PTPN4: variants seen among roughly 807,000 people sequenced by gnomAD.
PTPN4 encodes the protein protein tyrosine phosphatase non-receptor type 4, also known as tyrosine-protein phosphatase non-receptor type 4.
In PTPN4, 49 loss-of-function variants were observed where a neutral mutation model predicts 135.5. The observed-to-expected ratio is 0.36, with a 90% CI of 0.29 to 0.46. The LOEUF (loss-of-function observed/expected upper bound fraction) is 0.46. PTPN4 is among the 20% of genes least tolerant of loss of function. The pLI is 1.00. For missense variants in PTPN4, 860 were observed against 1,101.0 expected (o/e 0.78, Z 3.10); for synonymous variants, 333 against 369.9 (o/e 0.90, Z 1.14).
rs1049112007 is a variant in PTPN4, at chr2:119,831,848, T to C, written c.138+21857T>C. Among the ~76,000 whole-genome samples, 12 of 152,340 alleles carry C rather than the reference T, an allele frequency of 7.9e-5. No homozygotes were observed. The East Asian group carries it at 2.3e-3, about 29-fold the overall frequency. ...ATTTGAATTCCTACAGAGAGGACTT[T>C]TATTTACTTCTGCAAGTAACCTGTT... is the stretch of plus-strand genomic sequence containing the variant. On this transcript the variant is annotated intron_variant, in intron 2 of 26. Transcript: ENST00000263708.
chr2:119,804,180 A>G (rs1158329328), intron 1 of PTPN4, among the ~76,000 whole-genome samples: 2 of 152,058 alleles, frequency 1.3e-5, no homozygotes, highest in African/African-American at 4.8e-5. Flanking sequence ...TGGCATGATC[A>G]TAGCTCACTG....
chr2:119,824,091 A>G (rs758870639), intron 2 of PTPN4, among the ~76,000 whole-genome samples: 1 of 152,198 alleles, frequency 6.6e-6, no homozygotes, highest in Non-Finnish European at 1.5e-5. Flanking sequence ...TTAGTTTTCA[A>G]ATAGTTGAGG....
intron 2 of PTPN4, among the ~76,000 whole-genome samples, chr2:119,815,984 C>T (rs866716624): frequency 6.6e-6 from 1 of 152,084 alleles, no homozygotes; most frequent in African/African-American, 2.4e-5. Context: ...AAAAGGATTC[C>T]CTTGTGCTCC....
intron 15 of PTPN4, among the ~76,000 whole-genome samples, chr2:119,935,739 C>T (rs968155331): frequency 6.6e-6 from 1 of 151,952 alleles, no homozygotes; most frequent in Non-Finnish European, 1.5e-5. Flanking sequence ...TCTAAACTTT[C>T]CAGTTGATTT....
intron 2 of PTPN4, among the ~76,000 whole-genome samples, chr2:119,832,725 C>T (rs1246752414): frequency 6.6e-6 from 1 of 151,960 alleles, no homozygotes; most frequent in Non-Finnish European, 1.5e-5. Flanking sequence ...ACTGAATTTT[C>T]CATGAAATTC....
chr2:119,898,515 G>A (rs539557853), intron 9 of PTPN4, among the ~76,000 whole-genome samples: 26 of 152,226 alleles, frequency 1.7e-4, no homozygotes, highest in Middle Eastern at 6.8e-3. Context: ...TGCTGCAAAA[G>A]AGTACAAGGT....
intron 9 of PTPN4, among the ~76,000 whole-genome samples, chr2:119,895,429 C>T (rs1390394858): frequency 6.6e-6 from 1 of 152,124 alleles, no homozygotes; most frequent in Non-Finnish European, 1.5e-5. Flanking sequence ...CACCTGAGGT[C>T]AGGAGTTTGA....
chr2:119,770,359 A>G (rs866091079), intron 1 of PTPN4, among the ~76,000 whole-genome samples: 3 of 152,336 alleles, frequency 2.0e-5, no homozygotes, highest in Middle Eastern at 3.4e-3. Context: ...TTAAAATTGT[A>G]TTTAAATTGT....
At chr2:119,886,469 T>C (rs1440525029) in intron 9 of PTPN4, among the ~76,000 whole-genome samples, 1 of 152,216 alleles carries the variant, frequency 6.6e-6, no homozygotes, top group Non-Finnish European at 1.5e-5. Flanking sequence ...CATAAGCATA[T>C]TTGTGAGTGT....
intron 2 of PTPN4, among the ~76,000 whole-genome samples, chr2:119,853,332 T>C (rs1449517469): frequency 6.6e-6 from 1 of 152,294 alleles, no homozygotes; most frequent in East Asian, 1.9e-4. Context: ...TATTTTCTGT[T>C]TGTTCTGCTT....
intron 2 of PTPN4, among the ~76,000 whole-genome samples, chr2:119,826,777 G>A (rs752267774): frequency 6.6e-6 from 1 of 152,164 alleles, no homozygotes; most frequent in Non-Finnish European, 1.5e-5. Context: ...TGTAATCCCA[G>A]TGCTTTGGGA....
At chr2:119,962,126 G>A (rs1679374785) in intron 23 of PTPN4, among the ~76,000 whole-genome samples, 1 of 152,090 alleles carries the variant, frequency 6.6e-6, no homozygotes, top group Admixed American at 6.6e-5. Flanking sequence ...AATATAGCCA[G>A]ATTACTTACT....
intron 2 of PTPN4, among the ~76,000 whole-genome samples, chr2:119,820,049 C>T (rs1188151851): frequency 6.6e-6 from 1 of 152,048 alleles, no homozygotes; most frequent in East Asian, 1.9e-4. Context: ...TCTTTAGAGA[C>T]GAAGTCTCAC....
chr2:119,796,838 G>A (rs1215152185), intron 1 of PTPN4, among the ~76,000 whole-genome samples: 2 of 149,702 alleles, frequency 1.3e-5, no homozygotes, highest in African/African-American at 4.9e-5. Flanking sequence ...ATCATTTCCA[G>A]CATTTGGCAT....
At chr2:119,783,579 T>C (rs1205331292) in intron 1 of PTPN4, among the ~76,000 whole-genome samples, 1 of 152,218 alleles carries the variant, frequency 6.6e-6, no homozygotes, top group East Asian at 1.9e-4. Context: ...ATCAGAATAA[T>C]TTCAGCATGA....
intron 2 of PTPN4, among the ~76,000 whole-genome samples, chr2:119,841,749 C>A (rs1232868167): frequency 1.3e-5 from 2 of 152,148 alleles, no homozygotes; most frequent in Admixed American, 1.3e-4. Context: ...CAGCAGCCTT[C>A]TAAAGTAAAT....
chr2:119,936,345 C>T (rs1048148830), intron 15 of PTPN4, among the ~76,000 whole-genome samples: 3 of 152,142 alleles, frequency 2.0e-5, no homozygotes, highest in Admixed American at 6.5e-5. Context: ...AAATCACTTG[C>T]TGATATGGTT....
chr2:119,838,577 T>C (rs147025108), intron 2 of PTPN4, among the ~76,000 whole-genome samples: 11 of 152,228 alleles, frequency 7.2e-5, no homozygotes, highest in Non-Finnish European at 1.3e-4. Context: ...GCAGTTGTTA[T>C]TGACTTAAAA....
At chr2:119,822,051 G>A (rs1278617096) in intron 2 of PTPN4, among the ~76,000 whole-genome samples, 1 of 151,366 alleles carries the variant, frequency 6.6e-6, no homozygotes, top group Non-Finnish European at 1.5e-5. Context: ...ACACTCTTTT[G>A]CTTTCCACTA....
Sources: gnomAD v4.1 joint callset for allele counts (sites outside exome capture counted in the v4.1 genomes callset) on GRCh38, gnomAD v4.1.1 for gene constraint, MANE v1.5 for transcripts, NCBI Gene and HGNC (gene_info 2026-07-23, HGNC 2026-07-21) for gene names.